Variants in FLRT1 observed in about 807,000 individuals in gnomAD.
FLRT1 encodes the protein fibronectin leucine rich transmembrane protein 1.
A neutral mutation model predicts 30.9 loss-of-function variants in FLRT1; 14 were observed. That is an observed-to-expected ratio of 0.45 (90% CI 0.30 to 0.71). FLRT1 has a LOEUF of 0.71. FLRT1 is among the 30% of genes least tolerant of loss of function. FLRT1 has a pLI of 0.08. For missense variants in FLRT1, 737 were observed against 949.2 expected (o/e 0.78, Z 2.94); for synonymous variants, 368 against 430.4 (o/e 0.85, Z 1.80).
At chr11:64,062,820 AC>A (rs1004579038) in intron 1 of FLRT1, among the ~76,000 whole-genome samples, 23 of 152,252 alleles carry the variant, frequency 1.5e-4, no homozygotes, top group African/African-American at 4.1e-4. Flanking sequence ...CACACAGCTC[AC>A]ACAGCAGGGG....
At position 64,116,528 on chromosome 11, in the gene FLRT1, C is replaced by T; in HGVS notation, c.261C>T (p.Tyr87=). The change falls in exon 3 of 3, where the codon TAC becomes TAT. Residue 87 remains tyrosine, a synonymous_variant. Transcript: ENST00000682287. The part of the protein sequence containing the change: ...ADIPDDATTL[Y]LQNNQINNAG... ...TCCCTGATGATGCCACCACCCTCTACCTGCAGAACAACCAGATCAACAACG... is the reference window on the plus strand; with the variant it reads ...TCCCTGATGATGCCACCACCCTCTATCTGCAGAACAACCAGATCAACAACG... 1 of 1,614,046 alleles carries T rather than the reference C, an allele frequency of 6.2e-7. No individual in the cohort carries two copies. The highest frequency in any genetic ancestry group is 8.5e-7 in the Non-Finnish European group (1 of 1,179,978).
At chr11:64,078,590 T>TG (rs1308204444) in intron 1 of FLRT1, among the ~76,000 whole-genome samples, 1 of 152,000 alleles carries the variant, frequency 6.6e-6, no homozygotes, top group Admixed American at 6.5e-5. Context: ...CAGGGTCCCA[T>TG]GGGGGGTGGC....
rs939175903 is a variant in FLRT1 at position 64,090,444 on chromosome 11, G to A, written c.-1037-12750G>A. On this transcript the variant is annotated intron_variant, in intron 1 of 2. Transcript: ENST00000682287. The surrounding 1 kb of genome is among the most constrained non-coding windows in gnomAD (Gnocchi z 4.7). Reference sequence around the variant, plus strand: ...CCTCCAGCCCGGGCAGCAGTGGGTCGATAATAATTTACGAGGCAGCCCCTG... The same window carrying A: ...CCTCCAGCCCGGGCAGCAGTGGGTCAATAATAATTTACGAGGCAGCCCCTG... Among the ~76,000 whole-genome samples, 3 of 152,302 alleles carry A rather than the reference G, an allele frequency of 2.0e-5. No homozygotes were observed. Among genetic ancestry groups the A allele is most frequent in the African/African-American group, 4.8e-5 (2 of 41,578 alleles).
Position 64,116,689 on chromosome 11 carries a change from C to T in FLRT1, c.422C>T (p.Thr141Ile). 6.2e-7 allele frequency: 1 copy of T among 1,613,878 alleles called. No individual in the cohort carries two copies. Among genetic ancestry groups the T allele is most frequent in the Non-Finnish European group, 8.5e-7 (1 of 1,180,008 alleles). Residue 141 changes from threonine to isoleucine, a missense_variant, in exon 3 of 3, where the codon ACC becomes ATC. Transcript: ENST00000682287. ...ELHLQDNNVR[T>I]IARDSLARIP... ...CACCTGCAGGACAACAATGTGCGCA[C>T]CATTGCCAGGGACTCGCTGGCCCGC... is the stretch of plus-strand genomic sequence containing the variant.
chr11:64,051,157 C>T (rs1265125262), intron 1 of FLRT1, among the ~76,000 whole-genome samples: 1 of 152,270 alleles, frequency 6.6e-6, no homozygotes, highest in African/African-American at 2.4e-5. Context: ...GACCACTCAC[C>T]TAGCCACCTT....
chr11:64,057,906 G>A lies in FLRT1; in HGVS notation c.-1038+21747G>A, dbSNP rs1293360877. Among the ~76,000 whole-genome samples the A allele has an allele frequency of 3.3e-5, 5 of 152,236 alleles. No individual in the cohort carries two copies. In the East Asian group the frequency reaches 9.6e-4, roughly 29 times the overall value. ...TCACAGGATTTGAACTCATGTGGGT[G>A]CAACCCCAAAGCCAGTTTTCTTTCC... On this transcript the variant is annotated intron_variant, in intron 1 of 2. Coordinates refer to ENST00000682287, the MANE Select transcript of FLRT1 (RefSeq NM_013280.5).
At position 64,096,484 on chromosome 11, in the gene FLRT1, C is replaced by T. The variant is rs1040531232; in HGVS notation, c.-1037-6710C>T. Among the ~76,000 whole-genome samples, 4 of 151,676 alleles carry T rather than the reference C, an allele frequency of 2.6e-5. No individual in the cohort carries two copies. The highest frequency in any genetic ancestry group is 2.1e-4 in the South Asian group (1 of 4,796). The stretch of plus-strand genomic sequence containing the variant: ...ATGATGAAGTGCAGTGGTATGATCT[C>T]GGCTCACTGCAACCTCCGCCTTCCG... On this transcript the variant is annotated intron_variant, in intron 1 of 2. Coordinates refer to ENST00000682287, the MANE Select transcript of FLRT1 (RefSeq NM_013280.5). This position sits in a 1 kb window ranked among gnomAD's most constrained non-coding sequence, Gnocchi z 4.6.
At chr11:64,048,436 C>T (rs576284726) in intron 1 of FLRT1, among the ~76,000 whole-genome samples, 25 of 152,262 alleles carry the variant, frequency 1.6e-4, no homozygotes, top group African/African-American at 5.5e-4. Context: ...TGGCCTGGGA[C>T]GGGTGTGGCC....
At chr11:64,077,396 G>A (rs1288557321) in intron 1 of FLRT1, among the ~76,000 whole-genome samples, 1 of 152,188 alleles carries the variant, frequency 6.6e-6, no homozygotes, top group Admixed American at 6.5e-5. Flanking sequence ...CCTGCCCTCT[G>A]TCCCTCCCCA....
At chr11:64,049,324 G>C (rs1943646256) in intron 1 of FLRT1, among the ~76,000 whole-genome samples, 1 of 152,222 alleles carries the variant, frequency 6.6e-6, no homozygotes, top group African/African-American at 2.4e-5. Flanking sequence ...GATTGAACAG[G>C]GTCCTACCGA....
At chr11:64,076,420 G>A (rs917884995) in intron 1 of FLRT1, among the ~76,000 whole-genome samples, 2 of 152,326 alleles carry the variant, frequency 1.3e-5, no homozygotes, top group Non-Finnish European at 2.9e-5. Context: ...GCACATCACA[G>A]GTGGTCAACT....
chr11:64,076,256 C>T (rs1944198322), intron 1 of FLRT1, among the ~76,000 whole-genome samples: 1 of 152,208 alleles, frequency 6.6e-6, no homozygotes, highest in Non-Finnish European at 1.5e-5. Flanking sequence ...CCAGCCCTCA[C>T]CAGGTGCCCC....
chr11:64,081,836 CACAG>C (rs2134493812), intron 1 of FLRT1: 1 of 152,318 alleles, frequency 6.6e-6, no homozygotes, highest in Admixed American at 6.5e-5. Flanking sequence ...CTCCCCAATT[CACAG>C]ACATGAAGAC....
rs2134627141 is a variant in FLRT1, at chr11:64,118,485, T to C, written c.*193T>C. On this transcript the variant is annotated 3_prime_UTR_variant, in exon 3 of 3. Coordinates refer to ENST00000682287, the MANE Select transcript of FLRT1 (RefSeq NM_013280.5). The stretch of plus-strand genomic sequence containing the variant: ...ACAGTGACAATTTTTTTTAAAAGAA[T>C]AGAAGGCAGGAGGGGGAATTCGACA... 1.9e-6 allele frequency: 1 copy of C among 539,234 alleles called. No individual in the cohort carries two copies. The highest frequency in any genetic ancestry group is 6.3e-5 in the South Asian group (1 of 15,762). 33.4% of individuals were successfully genotyped at this position (539,234 alleles called of 1,614,324 possible).
In FLRT1 at chr11:64,117,675, C is replaced by T. The variant is rs1342998224; in HGVS notation, c.1408C>T (p.Arg470Cys). The T allele has an allele frequency of 4.3e-6, 7 of 1,613,462 alleles. No individual in the cohort carries two copies. The highest frequency in any genetic ancestry group is 1.3e-5 in the African/African-American group (1 of 74,960). Residue 470 changes from arginine to cysteine, a missense_variant, in exon 3 of 3, where the codon CGC (arginine) becomes TGC (cysteine). Arg to Cys is a radical substitution (Grantham distance 180). Transcript: ENST00000682287. ...CTCCTCTTTCCGGCTCAGTTGGCTG[C>T]GCCTGGGCCACAGCCCAGCCGTGGG... ...PASSFRLSWL[R>C]LGHSPAVGSI... is the part of the protein sequence containing the mutation.
intron 1 of FLRT1, among the ~76,000 whole-genome samples, chr11:64,043,302 G>A (rs1943523262): frequency 6.6e-6 from 1 of 152,184 alleles, no homozygotes; most frequent in South Asian, 2.1e-4. Flanking sequence ...CTCAGGGGCT[G>A]GAGAGGGGCT....
rs764686145 is a variant in FLRT1 at position 64,093,232 on chromosome 11, GTAT to G, written c.-1037-9949_-1037-9947del. Among the ~76,000 whole-genome samples the G allele has an allele frequency of 9.2e-5, 14 of 152,300 alleles. No homozygotes were observed. In the East Asian group the frequency reaches 1.9e-3, roughly 21 times the overall value. On this transcript the variant is annotated intron_variant, in intron 1 of 2. Coordinates refer to ENST00000682287, the MANE Select transcript of FLRT1 (RefSeq NM_013280.5). ...CACAGGGCGGCCACTACTGTTGTTAGTATTATTATTATTATCCACATCAACATC... is the reference window on the plus strand; with the variant it reads ...CACAGGGCGGCCACTACTGTTGTTAGTATTATTATTATCCACATCAACATC...
chr11:64,101,890 C>A (rs1260838231), intron 1 of FLRT1, among the ~76,000 whole-genome samples: 1 of 152,172 alleles, frequency 6.6e-6, no homozygotes, highest in African/African-American at 2.4e-5. Context: ...CCCCCTGCCA[C>A]CCTGTCCACC....
chr11:64,118,302 A>T lies in FLRT1; in HGVS notation c.*10A>T. On this transcript the variant is annotated 3_prime_UTR_variant, in exon 3 of 3. Transcript: ENST00000682287. ...CTACTCCTACACATGATGCCCGCCC[A>T]CCCGGGCTGCCCCGCCTCAGCCCCA... 1 of 1,537,560 alleles carries T rather than the reference A, an allele frequency of 6.5e-7. No individual in the cohort carries two copies. The highest frequency in any genetic ancestry group is 8.8e-7 in the Non-Finnish European group (1 of 1,135,680).
Sources: gnomAD v4.1 joint callset for allele counts (sites outside exome capture counted in the v4.1 genomes callset) on GRCh38, gnomAD v4.1.1 for gene constraint, Gnocchi (gnomAD v3.1) non-coding constraint, MANE v1.5 for transcripts, NCBI Gene and HGNC (gene_info 2026-07-23, HGNC 2026-07-21) for gene names.